Variants in C5 observed in about 807,000 individuals in gnomAD.
The protein encoded by C5 is complement C5.
Under a neutral mutation model 218.8 loss-of-function variants are expected in C5, and 140 were observed. The observed-to-expected ratio is 0.64, with a 90% CI of 0.56 to 0.74. C5 has a LOEUF of 0.74. Among genes scored for constraint, C5 ranks in the 30% least tolerant of loss-of-function variants. The pLI, the probability that C5 is intolerant of heterozygous loss-of-function variation, is 0.00. For synonymous variants in C5, 614 were observed against 682.3 expected (o/e 0.90, Z 1.56); for missense variants, 1,700 against 1,969.6 (o/e 0.86, Z 2.59).
chr9:120,996,435 T>A, intron 21 of C5, 135 bp from the exon 22 acceptor site: 1 of 753,222 alleles, frequency 1.3e-6, no homozygotes, highest in Non-Finnish European at 2.4e-6. Flanking sequence ...GTATAAATAC[T>A]TACATGGATA....
chr9:121,062,660 T>G, the C5 span, among the ~76,000 whole-genome samples: 1 of 152,224 alleles, frequency 6.6e-6, no homozygotes, highest in African/African-American at 2.4e-5. Context: ...GGTTCTGTGA[T>G]CATTAGTGCT....
In C5 at chr9:121,020,104, G is replaced by A; in HGVS notation, c.1378C>T (p.Leu460Phe). The A allele has an allele frequency of 6.2e-7, 1 of 1,613,808 alleles. No individual in the cohort carries two copies. Among genetic ancestry groups the A allele is most frequent in the Non-Finnish European group, 8.5e-7 (1 of 1,179,728 alleles). The part of the protein sequence containing the change: ...EGYRAIAYSS[L>F]SQSYLYIDWT... ...TCAATATAAAGGTAACTTTGGCTGA[G>A]AGATGAGTATGCTATTGCTCGGTAA... The change falls in exon 12 of 41, where the codon CTC becomes TTC. Residue 460 changes from leucine to phenylalanine, a missense_variant. Coordinates refer to ENST00000223642, the MANE Select transcript of C5 (RefSeq NM_001735.3).
chr9:121,056,165 G>T, the C5 span, among the ~76,000 whole-genome samples: 1,519 of 152,266 alleles, frequency 1.0e-2, 30 homozygotes, highest in African/African-American at 0.035. Flanking sequence ...ATAAAGATGG[G>T]AATAAATACC....
Position 120,982,780 on chromosome 9 carries a change from C to G in C5, c.3265G>C (p.Val1089Leu). The G allele has an allele frequency of 6.3e-7, 1 of 1,598,326 alleles. No individual in the cohort carries two copies. Residue 1089 changes from valine (V) to leucine (L), a missense_variant, in exon 26 of 41, where the codon GTA becomes CTA. Physicochemically the swap from Val to Leu is conservative, Grantham distance 32. Transcript: ENST00000223642. ...TGGTTCTGCTCTACGTATTTATTTA[C>G]TTGTCCAAGTACTCTTAAAGCAAAA... ...TAFALRVLGQ[V>L]NKYVEQNQNS...
intron 17 of C5, among the ~76,000 whole-genome samples, chr9:121,011,906 T>C (rs563919474): frequency 3.9e-5 from 6 of 152,252 alleles, no homozygotes; most frequent in African/African-American, 1.4e-4. Context: ...TCTCACTTAT[T>C]TGTGGGTGCT....
At chr9:121,002,333 TATATATATAC>T (rs1564146821) in intron 20 of C5, among the ~76,000 whole-genome samples, 3,955 of 118,054 alleles carry the variant, frequency 0.034, 306 homozygotes, top group African/African-American at 0.11. Context: ...TATATATATA[TATATATATAC>T]ACACATACCT....
At chr9:120,962,529 A>T in intron 36 of C5, 142 bp downstream of exon 36, 2 of 744,218 alleles carry the variant, frequency 2.7e-6, no homozygotes, top group Non-Finnish European at 4.9e-6. Context: ...AGTAGTTTTG[A>T]ATGTTCAAAT....
the C5 span, among the ~76,000 whole-genome samples, chr9:121,060,668 A>G: frequency 0.75 from 113,064 of 150,018 alleles, 42,681 homozygotes; most frequent in East Asian, 0.95. Flanking sequence ...ATCCCTCCCC[A>G]CCCCACCCAG....
At chr9:121,063,416 G>A in the C5 span, among the ~76,000 whole-genome samples, 1 of 151,908 alleles carries the variant, frequency 6.6e-6, no homozygotes. Flanking sequence ...GTAAGACGTA[G>A]CTCTTACACT....
chr9:121,005,299 A>C (rs1239540069), intron 20 of C5, among the ~76,000 whole-genome samples: 2 of 152,178 alleles, frequency 1.3e-5, no homozygotes, highest in Non-Finnish European at 2.9e-5. Flanking sequence ...AATTTTAGTC[A>C]GTGTGGTTTT....
chr9:120,952,870 T>C lies in C5; in HGVS notation c.4902-2A>G, dbSNP rs1477933516. 2 of 1,613,514 alleles carry C rather than the reference T, an allele frequency of 1.2e-6. No homozygotes were observed. Among genetic ancestry groups the C allele is most frequent in the Non-Finnish European group, 1.7e-6 (2 of 1,179,790 alleles). On this transcript the variant is annotated splice_acceptor_variant, in intron 40 of 40. Coordinates refer to ENST00000223642, the MANE Select transcript of C5 (RefSeq NM_001735.3). LOFTEE classifies it high-confidence loss of function. ...AAGGAATCTAAAGGGTAGATGTACCTACCAAGAAACAAAGTGTTTGTGAGG... is the reference window on the plus strand; with the variant it reads ...AAGGAATCTAAAGGGTAGATGTACCCACCAAGAAACAAAGTGTTTGTGAGG...
upstream of C5, among the ~76,000 whole-genome samples, chr9:121,052,453 G>GAAAA (rs1192286050): frequency 7.9e-5 from 5 of 63,234 alleles, no homozygotes; most frequent in Admixed American, 1.8e-4. Context: ...CTCCATCTCA[G>GAAAA]AAAAAAAAAA....
At chr9:120,992,727 C>G (rs181756316) in intron 22 of C5, among the ~76,000 whole-genome samples, 3 of 152,144 alleles carry the variant, frequency 2.0e-5, no homozygotes, top group Non-Finnish European at 2.9e-5. Flanking sequence ...AGGTTCCAGA[C>G]AGATTAAAAC....
chr9:121,008,274 C>T (rs1003154404), intron 18 of C5, 134 bp downstream of exon 18: 1 of 707,170 alleles, frequency 1.4e-6, no homozygotes, highest in African/African-American at 1.8e-5. Context: ...CAAAACAAAA[C>T]AAAATTTGAT....
chr9:120,986,499 G>A (rs546246454), intron 25 of C5, among the ~76,000 whole-genome samples: 1 of 152,110 alleles, frequency 6.6e-6, no homozygotes, highest in East Asian at 1.9e-4. Flanking sequence ...TTTAGGTGCT[G>A]GACATTTTCT....
chr9:121,002,316 G>GTGTGTGTGTGTGTA lies in C5; in HGVS notation c.2562+3602_2562+3603insTACACACACACACA, dbSNP rs572345213. Among the ~76,000 whole-genome samples the GTGTGTGTGTGTGTA allele has an allele frequency of 8.1e-4, 71 of 87,374 alleles. 1 individual carries two copies. Among genetic ancestry groups the GTGTGTGTGTGTGTA allele is most frequent in the South Asian group, 2.9e-3 (7 of 2,376 alleles). 57.3% of individuals were successfully genotyped at this position (87,374 alleles called of 152,430 possible). A position where few individuals can be genotyped will look rare whatever the true frequency, so the allele number is the denominator to read the frequency against. ...TATATATGTATATATATATGTGTGT[G>GTGTGTGTGTGTGTA]TATATATATATATATATATATATAT... On this transcript the variant is annotated intron_variant, in intron 20 of 40. Transcript: ENST00000223642.
intron 9 of C5, among the ~76,000 whole-genome samples, chr9:121,024,232 G>T (rs1587986446): frequency 1.2e-4 from 1 of 8,496 alleles, no homozygotes; most frequent in Non-Finnish European, 2.4e-4. Flanking sequence ...AGGGAGGGAG[G>T]GGAGGGGAGG....
chr9:121,035,918 T>C (rs2131805686), intron 4 of C5, among the ~76,000 whole-genome samples: 1 of 151,942 alleles, frequency 6.6e-6, no homozygotes, highest in Admixed American at 6.6e-5. Flanking sequence ...GGTGTGGTGA[T>C]GGGTGCCTGT....
intron 12 of C5, among the ~76,000 whole-genome samples, chr9:121,018,876 C>T (rs2047339872): frequency 6.6e-6 from 1 of 151,930 alleles, no homozygotes; most frequent in Non-Finnish European, 1.5e-5. Context: ...TTCATTCTCA[C>T]AATACATCAA....
Sources: allele counts gnomAD v4.1 joint callset (sites outside exome capture counted in the v4.1 genomes callset), GRCh38; gene constraint gnomAD v4.1.1; transcripts MANE v1.5; gene names NCBI Gene and HGNC (gene_info 2026-07-23, HGNC 2026-07-21).